AGAP1: variants seen among roughly 807,000 people sequenced by gnomAD.
AGAP1 encodes the protein arf-GAP with GTPase, ANK repeat and PH domain-containing protein 1.
AGAP1 carries 29 observed loss-of-function variants against 105.3 expected under a neutral mutation model. That is an observed-to-expected ratio of 0.28 (90% confidence interval 0.21 to 0.38). The LOEUF (loss-of-function observed/expected upper bound fraction) is 0.38. AGAP1 is among the 10% of genes least tolerant of loss of function. The probability of loss-of-function intolerance (pLI) is 1.00; values close to 1 mark genes in which losing one functional copy is unlikely to be tolerated. For missense variants in AGAP1, 998 were observed against 1,165.1 expected, an observed-to-expected ratio of 0.86 and a Z score of 2.09; for synonymous variants, 509 against 485.9, an observed-to-expected ratio of 1.05 and a Z score of -0.63.
chr2:235,604,911 C>G (rs1213704696), intron 1 of AGAP1, among the ~76,000 whole-genome samples: 1 of 151,472 alleles, frequency 6.6e-6, no homozygotes, highest in Admixed American at 6.6e-5. Flanking sequence ...GACGGAGTCT[C>G]TCTCTGTCCC....
rs11898736 is a variant in AGAP1 at position 235,752,499 on chromosome 2, G to A, written c.673+2011G>A. Among the ~76,000 whole-genome samples, 4,603 of 152,178 alleles carry A rather than the reference G, an allele frequency of 0.03. 241 individuals carry two copies. Among genetic ancestry groups the A allele is most frequent in the African/African-American group, 0.1 (4,263 of 41,504 alleles). On this transcript the variant is annotated intron_variant, in intron 6 of 17. Coordinates refer to ENST00000304032, the MANE Select transcript of AGAP1 (RefSeq NM_001037131.3). This position sits in a 1 kb window ranked among gnomAD's most constrained non-coding sequence, Gnocchi z 4.3. The stretch of plus-strand genomic sequence containing the variant: ...TGGCTGTAAATAGACTTTTCATGAC[G>A]CAGAGCCACGCTTTGTGTCGATGGG...
In AGAP1 at chr2:235,643,503, C is replaced by T. The variant is rs180773704; in HGVS notation, c.164-65676C>T. On this transcript the variant is annotated intron_variant, in intron 1 of 17. Transcript: ENST00000304032. Reference sequence around the variant, plus strand: ...ATGTTAAAAATTTTCCACACATTATCTTTTAATGTGTTGTCAAGGAGCAAT... The same window carrying T: ...ATGTTAAAAATTTTCCACACATTATTTTTTAATGTGTTGTCAAGGAGCAAT... 2.1e-4 allele frequency among the ~76,000 whole-genome samples: 30 copies of T among 141,262 alleles called. No homozygotes were observed. The East Asian group carries it at 3.0e-3, about 14-fold the overall frequency. The allele number at this position is 141,262 out of a possible 152,430, so 92.7% of individuals were successfully genotyped here.
At chr2:235,534,213 G>T (rs1274811718) in intron 1 of AGAP1, among the ~76,000 whole-genome samples, 1 of 152,206 alleles carries the variant, frequency 6.6e-6, no homozygotes, top group African/African-American at 2.4e-5. Flanking sequence ...CAGATGGTCG[G>T]TGTTCTTTGC....
intron 13 of AGAP1, among the ~76,000 whole-genome samples, chr2:236,028,611 A>G (rs1248687482): frequency 6.6e-6 from 1 of 152,122 alleles, no homozygotes; most frequent in Non-Finnish European, 1.5e-5. Context: ...ATTTTTAATA[A>G]TTTGTAGGTG....
chr2:236,094,022 G>C (rs1443770530), intron 16 of AGAP1, among the ~76,000 whole-genome samples: 1 of 152,148 alleles, frequency 6.6e-6, no homozygotes, highest in Admixed American at 6.5e-5. Flanking sequence ...TCATATGGCT[G>C]TAACAGGTAC....
chr2:235,901,278 A>G lies in AGAP1; in HGVS notation c.1156-7460A>G, dbSNP rs1028403229. Among the ~76,000 whole-genome samples, 6 of 150,222 alleles carry G rather than the reference A, an allele frequency of 4.0e-5. No individual in the cohort carries two copies. The highest frequency in any genetic ancestry group is 1.2e-4 in the African/African-American group (5 of 41,092). On this transcript the variant is annotated intron_variant, in intron 10 of 17. Transcript: ENST00000304032. The surrounding 1 kb of genome is among the most constrained non-coding windows in gnomAD (Gnocchi z 4.3). ...TGAACTTTACAATGGCTTCTCTTAC[A>G]TACTTTTTTTTTTTTGAGCCCAGAA...
intron 16 of AGAP1, among the ~76,000 whole-genome samples, chr2:236,117,893 G>A (rs1016953263): frequency 2.0e-5 from 3 of 152,086 alleles, no homozygotes; most frequent in Middle Eastern, 3.2e-3. Context: ...GCCCGAGTGG[G>A]GTGCAGGGGC....
rs1305698515 is a variant in AGAP1 at position 236,076,019 on chromosome 2, G to T, written c.2114+26738G>T. Among the ~76,000 whole-genome samples the T allele has an allele frequency of 1.3e-5, 2 of 152,238 alleles. No individual in the cohort carries two copies. Among genetic ancestry groups the T allele is most frequent in the African/African-American group, 4.8e-5 (2 of 41,476 alleles). Reference sequence around the variant, plus strand: ...GGTGCCGCCCCCTCACATGGACCAGGGGTCTGGGGGCAGCTCTGCTCCTCA... The same window carrying T: ...GGTGCCGCCCCCTCACATGGACCAGTGGTCTGGGGGCAGCTCTGCTCCTCA... On this transcript the variant is annotated intron_variant, in intron 16 of 17. Coordinates refer to ENST00000304032, the MANE Select transcript of AGAP1 (RefSeq NM_001037131.3). This position sits in a 1 kb window ranked among gnomAD's most constrained non-coding sequence, Gnocchi z 4.4.
chr2:235,738,214 C>T (rs1349304329), intron 3 of AGAP1, among the ~76,000 whole-genome samples: 1 of 151,982 alleles, frequency 6.6e-6, no homozygotes, highest in Admixed American at 6.6e-5. Flanking sequence ...GAAGGGAGAG[C>T]AGAGGGAGAT....
chr2:235,786,052 C>T (rs993496902), intron 6 of AGAP1, among the ~76,000 whole-genome samples: 1 of 152,200 alleles, frequency 6.6e-6, no homozygotes, highest in Non-Finnish European at 1.5e-5. Context: ...CCAGGATCAT[C>T]AACTTTCTCT....
At chr2:236,117,689 G>T (rs540081468) in intron 16 of AGAP1, among the ~76,000 whole-genome samples, 1 of 152,164 alleles carries the variant, frequency 6.6e-6, no homozygotes, top group African/African-American at 2.4e-5. Context: ...AAATCTGGAC[G>T]CATCCTTCAC....
chr2:235,877,097 G>A lies in AGAP1; in HGVS notation c.1051-6248G>A, dbSNP rs552503443. 3.3e-5 allele frequency among the ~76,000 whole-genome samples: 5 copies of A among 151,732 alleles called. No individual in the cohort carries two copies. Among genetic ancestry groups the A allele is most frequent in the African/African-American group, 4.8e-5 (2 of 41,266 alleles). Reference sequence around the variant, plus strand: ...CCTGACCTCATGATCCACCCGCCTCGGCCTCCCAAAGTGCTGGAATTACAG... The same window carrying A: ...CCTGACCTCATGATCCACCCGCCTCAGCCTCCCAAAGTGCTGGAATTACAG... On this transcript the variant is annotated intron_variant, in intron 9 of 17. Coordinates refer to ENST00000304032, the MANE Select transcript of AGAP1 (RefSeq NM_001037131.3). The surrounding 1 kb of genome is among the most constrained non-coding windows in gnomAD (Gnocchi z 4.3).
chr2:235,598,941 C>G (rs1945635886), intron 1 of AGAP1, among the ~76,000 whole-genome samples: 1 of 152,158 alleles, frequency 6.6e-6, no homozygotes, highest in Non-Finnish European at 1.5e-5. Flanking sequence ...TGGATGGGCT[C>G]AGCTGCTTTA....
intron 1 of AGAP1, among the ~76,000 whole-genome samples, chr2:235,514,155 C>CTT (rs1942274134): frequency 1.5e-5 from 1 of 65,640 alleles, no homozygotes; most frequent in Non-Finnish European, 3.2e-5. Context: ...CATGCGCGTG[C>CTT]GCGCGCGCAC....
intron 1 of AGAP1, among the ~76,000 whole-genome samples, chr2:235,651,803 T>C (rs993032181): frequency 1.3e-5 from 2 of 152,226 alleles, no homozygotes; most frequent in Non-Finnish European, 2.9e-5. Context: ...AAAGAGATTT[T>C]CATAGTAATT....
Position 235,888,233 on chromosome 2 carries a change from A to G in AGAP1, c.1155+4784A>G, listed in dbSNP as rs1412164230. ...GGAGCGGGTAGTTCAGGAGGATCTC[A>G]GGATTATTTGTTCTTTAGGATCAAA... On this transcript the variant is annotated intron_variant, in intron 10 of 17. Coordinates refer to ENST00000304032, the MANE Select transcript of AGAP1 (RefSeq NM_001037131.3). This position sits in a 1 kb window ranked among gnomAD's most constrained non-coding sequence, Gnocchi z 4.8. Among the ~76,000 whole-genome samples the G allele has an allele frequency of 2.0e-5, 3 of 152,166 alleles. No individual in the cohort carries two copies. Among genetic ancestry groups the G allele is most frequent in the Non-Finnish European group, 2.9e-5 (2 of 68,018 alleles).
intron 1 of AGAP1, among the ~76,000 whole-genome samples, chr2:235,564,537 T>C (rs1944276709): frequency 6.6e-6 from 1 of 152,206 alleles, no homozygotes; most frequent in African/African-American, 2.4e-5. Flanking sequence ...AGTTCACATG[T>C]AGTTGAGGGC....
In AGAP1 at chr2:235,865,281, G is replaced by A. The variant is rs970809932; in HGVS notation, c.1051-18064G>A. ...CGGCGCTTTGAAGCCTGTGCTGTGC[G>A]ATTTTCTCAGCAGTGAGGTAGGAAT... On this transcript the variant is annotated intron_variant, in intron 9 of 17. Transcript: ENST00000304032. This position sits in a 1 kb window ranked among gnomAD's most constrained non-coding sequence, Gnocchi z 6.2. Among the ~76,000 whole-genome samples the A allele has an allele frequency of 1.3e-5, 2 of 152,166 alleles. No homozygotes were observed. Among genetic ancestry groups the A allele is most frequent in the East Asian group, 1.9e-4 (1 of 5,190 alleles).
intron 9 of AGAP1, chr2:235,853,271 T>G (rs2048555859): frequency 1.0e-6 from 1 of 967,298 alleles, no homozygotes; most frequent in South Asian, 4.8e-5. Flanking sequence ...CTCCCCCTAC[T>G]CTGCTTCAAG....
Sources: gnomAD v4.1 joint callset for allele counts (sites outside exome capture counted in the v4.1 genomes callset) on GRCh38, gnomAD v4.1.1 for gene constraint, Gnocchi (gnomAD v3.1) non-coding constraint, MANE v1.5 for transcripts, NCBI Gene and HGNC (gene_info 2026-07-23, HGNC 2026-07-21) for gene names.